Variants in ARHGEF6 observed in about 807,000 individuals in gnomAD.
ARHGEF6 encodes the protein Rac/Cdc42 guanine nucleotide exchange factor 6.
ARHGEF6 carries 9 observed loss-of-function variants against 70.3 expected under a neutral mutation model. That is an observed-to-expected ratio of 0.13 (90% CI 0.08 to 0.22). ARHGEF6 has a LOEUF of 0.22. Ranked by LOEUF, ARHGEF6 falls within the 10% of genes least tolerant of loss-of-function variation. The probability of loss-of-function intolerance (pLI) is 1.00; values close to 1 mark genes in which losing one functional copy is unlikely to be tolerated. For synonymous variants in ARHGEF6, 201 were observed against 207.8 expected (o/e 0.97, Z 0.28); for missense variants, 470 against 563.0 (o/e 0.83, Z 1.67).
At chrX:136,692,652 C>T (rs1294169882) in intron 9 of ARHGEF6, among the ~76,000 whole-genome samples, 1 of 112,104 alleles carries the variant, frequency 8.9e-6, no homozygotes, top group African/African-American at 3.2e-5. Flanking sequence ...AACAACATTT[C>T]AACATAGGTG....
intron 2 of ARHGEF6, among the ~76,000 whole-genome samples, chrX:136,771,344 T>C (rs752841788): frequency 8.9e-6 from 1 of 112,578 alleles, no homozygotes; most frequent in East Asian, 2.8e-4. Flanking sequence ...ATTGACAAGC[T>C]GATCCTAAAA....
At chrX:136,775,091 T>C (rs1302542732) in intron 2 of ARHGEF6, among the ~76,000 whole-genome samples, 1 of 111,271 alleles carries the variant, frequency 9.0e-6, no homozygotes, top group Non-Finnish European at 1.9e-5. Flanking sequence ...ATGAATTCCT[T>C]GAAATGTCAC....
chrX:136,680,224 A>G (rs1312602178), intron 15 of ARHGEF6, among the ~76,000 whole-genome samples: 2 of 112,659 alleles, frequency 1.8e-5, no homozygotes, highest in African/African-American at 6.5e-5. Flanking sequence ...GTACAGTAAA[A>G]TCTCATCAAT....
intron 2 of ARHGEF6, among the ~76,000 whole-genome samples, chrX:136,775,210 C>A (rs1458429230): frequency 9.0e-6 from 1 of 110,937 alleles, no homozygotes; most frequent in Admixed American, 9.7e-5. Context: ...GCCAGTATTA[C>A]CCTCAAACCA....
At chrX:136,756,302 T>G (rs977366871) in intron 2 of ARHGEF6, among the ~76,000 whole-genome samples, 1 of 111,463 alleles carries the variant, frequency 9.0e-6, no homozygotes, top group African/African-American at 3.3e-5. Context: ...GTTGTTAATT[T>G]TTTAAGTTGT....
intron 5 of ARHGEF6, among the ~76,000 whole-genome samples, chrX:136,735,806 C>G (rs1027624853): frequency 1.8e-5 from 2 of 111,569 alleles, no homozygotes; most frequent in African/African-American, 6.5e-5. Flanking sequence ...TCTCTCTGGA[C>G]AGGAAACATC....
intron 6 of ARHGEF6, among the ~76,000 whole-genome samples, chrX:136,717,196 G>T (rs951890642): frequency 9.0e-6 from 1 of 111,427 alleles, no homozygotes; most frequent in Admixed American, 9.5e-5. Context: ...CAAAAATAAA[G>T]AAAAAAGTAT....
intron 16 of ARHGEF6, among the ~76,000 whole-genome samples, chrX:136,679,108 G>C (rs769587944): frequency 3.6e-4 from 40 of 112,192 alleles, no homozygotes; most frequent in African/African-American, 1.3e-3. Flanking sequence ...TGGACTCATA[G>C]CTTGGTCCCA....
At chrX:136,780,612 A>T (rs1363048102) in intron 1 of ARHGEF6, 106 bp downstream of exon 1, 1 of 728,391 alleles carries the variant, frequency 1.4e-6, no homozygotes, top group Non-Finnish European at 2.2e-6. Flanking sequence ...GAAAAATATT[A>T]AAGTAGGAGA....
intron 5 of ARHGEF6, among the ~76,000 whole-genome samples, chrX:136,742,314 G>A (rs1004259652): frequency 6.3e-5 from 7 of 110,899 alleles, no homozygotes; most frequent in Non-Finnish European, 1.1e-4. Context: ...GCAAGACTCC[G>A]TCTCAAAACA....
At chrX:136,775,446 C>T (rs781085740) in intron 2 of ARHGEF6, among the ~76,000 whole-genome samples, 1 of 112,009 alleles carries the variant, frequency 8.9e-6, no homozygotes, top group Non-Finnish European at 1.9e-5. Context: ...AAACAAAAAT[C>T]ACATGATCAT....
rs149135345 is a variant in ARHGEF6 at position 136,771,221 on chromosome X, C to T, written c.249+8193G>A. ...ATAAGACAAATAAGTGGAAATACATCCCATGTTCATGGATTCAAACATTTA... is the reference window on the plus strand; with the variant it reads ...ATAAGACAAATAAGTGGAAATACATTCCATGTTCATGGATTCAAACATTTA... On this transcript the variant is annotated intron_variant, in intron 2 of 21. Coordinates refer to ENST00000250617, the MANE Select transcript of ARHGEF6 (RefSeq NM_004840.3). Among the ~76,000 whole-genome samples the T allele has an allele frequency of 2.8e-3, 315 of 111,840 alleles. No homozygotes were observed. In the Middle Eastern group the frequency reaches 0.037, roughly 13 times the overall value.
chrX:136,694,023 G>A (rs1203290763), intron 9 of ARHGEF6, among the ~76,000 whole-genome samples: 1 of 108,408 alleles, frequency 9.2e-6, no homozygotes, highest in East Asian at 2.8e-4. Flanking sequence ...ATTAGGTGGT[G>A]TGCTTCTTTT....
intron 9 of ARHGEF6, among the ~76,000 whole-genome samples, chrX:136,703,087 A>T (rs2076592052): frequency 8.9e-6 from 1 of 111,978 alleles, no homozygotes; most frequent in Non-Finnish European, 1.9e-5. Context: ...ACTCAAAATT[A>T]ATTAAAGACC....
chrX:136,679,345 T>C (rs1054184727), intron 16 of ARHGEF6, among the ~76,000 whole-genome samples, 190 bp downstream of exon 16: 2 of 112,149 alleles, frequency 1.8e-5, no homozygotes, highest in African/African-American at 6.5e-5. Flanking sequence ...AGATATTCAG[T>C]ACATATTTGC....
intron 2 of ARHGEF6, among the ~76,000 whole-genome samples, chrX:136,750,739 G>A (rs1025721764): frequency 2.7e-5 from 3 of 111,036 alleles, no homozygotes; most frequent in African/African-American, 6.6e-5. Flanking sequence ...CTTTATTAAA[G>A]ATATTTTAAG....
chrX:136,776,393 T>TA (rs2077405014), intron 2 of ARHGEF6, among the ~76,000 whole-genome samples: 1 of 111,690 alleles, frequency 9.0e-6, no homozygotes, highest in African/African-American at 3.3e-5. Context: ...GCCCAATACT[T>TA]ACAGCCAACT....
intron 9 of ARHGEF6, among the ~76,000 whole-genome samples, chrX:136,693,076 T>A (rs1356773327): frequency 8.9e-6 from 1 of 112,372 alleles, no homozygotes; most frequent in African/African-American, 3.2e-5. Flanking sequence ...TTCTTTTCAA[T>A]TTAGTAAACA....
chrX:136,742,724 C>T (rs181119282), intron 5 of ARHGEF6, among the ~76,000 whole-genome samples: 17 of 111,815 alleles, frequency 1.5e-4, no homozygotes, highest in African/African-American at 5.5e-4. Flanking sequence ...CCTGTAATCC[C>T]AGCACCGTGG....
Sources: gnomAD v4.1 joint callset for allele counts (sites outside exome capture counted in the v4.1 genomes callset) on GRCh38, gnomAD v4.1.1 for gene constraint, MANE v1.5 for transcripts, NCBI Gene and HGNC (gene_info 2026-07-23, HGNC 2026-07-21) for gene names.